Variants in SOX5 observed in about 807,000 individuals in gnomAD.
SOX5 encodes transcription factor SOX-5.
SOX5 carries 9 observed loss-of-function variants against 92.0 expected under a neutral mutation model. That is an observed-to-expected ratio of 0.10 (90% CI 0.06 to 0.17). The LOEUF (loss-of-function observed/expected upper bound fraction) is 0.17. SOX5 is among the 10% of genes least tolerant of loss of function. The probability of loss-of-function intolerance (pLI) is 1.00; values close to 1 mark genes in which losing one functional copy is unlikely to be tolerated. For synonymous variants in SOX5, 344 were observed against 336.3 expected (o/e 1.02, Z -0.25); for missense variants, 642 against 944.5 (o/e 0.68, Z 4.20).
chr12:24,346,783 G>T (rs886152504), intron 2 of SOX5, among the ~76,000 whole-genome samples: 1 of 151,868 alleles, frequency 6.6e-6, no homozygotes, highest in Non-Finnish European at 1.5e-5. Flanking sequence ...GTAAAAATTT[G>T]TGGTGTACAC....
chr12:23,770,049 T>G (rs2094875974), intron 3 of SOX5, among the ~76,000 whole-genome samples: 1 of 26,724 alleles, frequency 3.7e-5, no homozygotes, highest in South Asian at 7.1e-4. Context: ...GCTCCCTCTG[T>G]TTTTTTTTTT....
At chr12:23,680,179 A>C (rs1490517241) in intron 6 of SOX5, among the ~76,000 whole-genome samples, 2 of 151,770 alleles carry the variant, frequency 1.3e-5, no homozygotes, top group Non-Finnish European at 2.9e-5. Context: ...TACAAAAATT[A>C]GCCAGGTGTG....
At chr12:23,969,970 A>G (rs933855650) in intron 4 of SOX5, among the ~76,000 whole-genome samples, 4 of 152,182 alleles carry the variant, frequency 2.6e-5, no homozygotes, top group Non-Finnish European at 5.9e-5. Flanking sequence ...AACAAGAAGG[A>G]CCTCAAAGTT....
At chr12:24,424,552 C>T (rs976294730) in intron 1 of SOX5, among the ~76,000 whole-genome samples, 4 of 151,932 alleles carry the variant, frequency 2.6e-5, no homozygotes, top group African/African-American at 9.7e-5. Context: ...CACTTGTCTT[C>T]CCCCCACCCC....
chr12:24,061,439 A>G (rs944983582), intron 4 of SOX5, among the ~76,000 whole-genome samples: 1 of 151,962 alleles, frequency 6.6e-6, no homozygotes, highest in Non-Finnish European at 1.5e-5. Flanking sequence ...GTCATATCCA[A>G]TGATTATGGA....
At chr12:23,580,330 AT>A (rs1949864770) in intron 9 of SOX5, among the ~76,000 whole-genome samples, 1 of 152,082 alleles carries the variant, frequency 6.6e-6, no homozygotes, top group Non-Finnish European at 1.5e-5. Flanking sequence ...AGTCCTAACT[AT>A]ATAATTCTGT....
chr12:23,657,144 A>C (rs7965563), intron 7 of SOX5, among the ~76,000 whole-genome samples: 111,245 of 151,566 alleles, frequency 0.73, 41,557 homozygotes, highest in African/African-American at 0.89. Context: ...GTGGAAATGG[A>C]AGCTGGATAA....
At chr12:23,792,558 G>A (rs996384536) in intron 3 of SOX5, among the ~76,000 whole-genome samples, 2 of 139,254 alleles carry the variant, frequency 1.4e-5, no homozygotes, top group Admixed American at 7.8e-5. Flanking sequence ...AGGAGGCAGA[G>A]GTTGCAGTGA....
intron 2 of SOX5, among the ~76,000 whole-genome samples, chr12:23,859,484 C>T (rs934457499): frequency 6.6e-6 from 1 of 152,152 alleles, no homozygotes; most frequent in Non-Finnish European, 1.5e-5. Flanking sequence ...GCTCTGGAAC[C>T]CTGTTTCCTG....
intron 2 of SOX5, among the ~76,000 whole-genome samples, chr12:24,295,213 G>C (rs1028246981): frequency 7.4e-6 from 1 of 134,344 alleles, no homozygotes; most frequent in Admixed American, 7.1e-5. Flanking sequence ...ACATACCAAT[G>C]GTTTCTTTTA....
chr12:24,344,260 C>T (rs1473630579), intron 2 of SOX5, among the ~76,000 whole-genome samples: 5 of 129,852 alleles, frequency 3.9e-5, no homozygotes, highest in East Asian at 4.2e-4. Flanking sequence ...TCCATCCTGG[C>T]GACAGAGCAA....
At chr12:23,807,623 G>A (rs1045180339) in intron 3 of SOX5, among the ~76,000 whole-genome samples, 1 of 150,714 alleles carries the variant, frequency 6.6e-6, no homozygotes, top group Non-Finnish European at 1.5e-5. Context: ...CTCTAGAACT[G>A]TGAAAGAACA....
intron 1 of SOX5, among the ~76,000 whole-genome samples, chr12:24,420,545 A>T (rs1470688834): frequency 6.6e-6 from 1 of 152,204 alleles, no homozygotes; most frequent in East Asian, 1.9e-4. Flanking sequence ...TGAGGATGAC[A>T]GGAAGCTAAT....
intron 3 of SOX5, among the ~76,000 whole-genome samples, chr12:24,266,036 G>A (rs1253073670): frequency 4.2e-4 from 1 of 2,384 alleles, no homozygotes; most frequent in Non-Finnish European, 8.3e-3. Context: ...GCCAGCTAAT[G>A]TGTGTGTGTG....
intron 1 of SOX5, among the ~76,000 whole-genome samples, chr12:24,384,406 G>A (rs1235981441): frequency 6.6e-6 from 1 of 152,140 alleles, no homozygotes; most frequent in Non-Finnish European, 1.5e-5. Flanking sequence ...GCATCCCAGG[G>A]ACTGGGGACT....
intron 4 of SOX5, among the ~76,000 whole-genome samples, chr12:24,202,516 C>T (rs563291290): frequency 1.3e-5 from 2 of 152,130 alleles, no homozygotes; most frequent in Non-Finnish European, 2.9e-5. Flanking sequence ...TGATCTATGG[C>T]CCTCATTGAA....
At chr12:23,949,025 C>A (rs1004723804) in intron 1 of SOX5, among the ~76,000 whole-genome samples, 6 of 151,942 alleles carry the variant, frequency 3.9e-5, no homozygotes, top group Non-Finnish European at 8.8e-5. Flanking sequence ...GTTAAATTTT[C>A]TTTGGGGGGA....
intron 4 of SOX5, among the ~76,000 whole-genome samples, chr12:24,097,140 T>C (rs1201797754): frequency 6.6e-6 from 1 of 152,212 alleles, no homozygotes; most frequent in Non-Finnish European, 1.5e-5. Flanking sequence ...TGACTAATGA[T>C]ATTGAGCATC....
intron 2 of SOX5, among the ~76,000 whole-genome samples, chr12:24,304,787 C>T (rs191561575): frequency 1.0e-3 from 153 of 152,260 alleles, no homozygotes; most frequent in African/African-American, 3.2e-3. Flanking sequence ...CTTGTTAGCA[C>T]GATTGTTGAT....
Sources: gnomAD v4.1 joint callset for allele counts (sites outside exome capture counted in the v4.1 genomes callset) on GRCh38, gnomAD v4.1.1 for gene constraint, MANE v1.5 for transcripts, NCBI Gene and HGNC (gene_info 2026-07-23, HGNC 2026-07-21) for gene names.